Variants in MARCHF1 observed in about 807,000 individuals in gnomAD.
MARCHF1 encodes E3 ubiquitin-protein ligase MARCHF1.
In MARCHF1, 40 loss-of-function variants were observed where a neutral mutation model predicts 54.2. The ratio of observed to expected loss-of-function variants is 0.74; its 90% CI spans 0.57 to 0.96. The LOEUF is 0.96. Ranked by LOEUF, MARCHF1 falls within the 40% of genes least tolerant of loss-of-function variation. MARCHF1 has a pLI of 0.00. For synonymous variants in MARCHF1, 236 were observed against 236.3 expected, an observed-to-expected ratio of 1.00 and a Z score of 0.01; for missense variants, 586 against 656.5, an observed-to-expected ratio of 0.89 and a Z score of 1.17.
At chr4:164,364,462 G>A (rs1730821876) in intron 1 of MARCHF1, among the ~76,000 whole-genome samples, 1 of 151,972 alleles carries the variant, frequency 6.6e-6, no homozygotes, top group African/African-American at 2.4e-5. Context: ...TATCACAAAG[G>A]AAATTGTTTA....
intron 1 of MARCHF1, among the ~76,000 whole-genome samples, chr4:164,243,524 C>T (rs376546060): frequency 6.6e-6 from 1 of 151,982 alleles, no homozygotes; most frequent in Non-Finnish European, 1.5e-5. Context: ...TAAAGACCAT[C>T]GAGACTAGGA....
intron 4 of MARCHF1, among the ~76,000 whole-genome samples, chr4:163,721,950 A>C (rs1745482973): frequency 6.6e-6 from 1 of 152,024 alleles, no homozygotes; most frequent in Non-Finnish European, 1.5e-5. Flanking sequence ...CTAGTGGTCT[A>C]TCAATTTTGT....
At chr4:163,789,590 T>A (rs1048875899) in intron 4 of MARCHF1, among the ~76,000 whole-genome samples, 2 of 138,010 alleles carry the variant, frequency 1.4e-5, no homozygotes, top group African/African-American at 4.9e-5. Flanking sequence ...AAAAAGGAGC[T>A]GATTCTTGGC....
chr4:163,812,206 T>G (rs1389673490), intron 4 of MARCHF1, among the ~76,000 whole-genome samples: 1 of 151,894 alleles, frequency 6.6e-6, no homozygotes, highest in Non-Finnish European at 1.5e-5. Flanking sequence ...ATAATAGCAT[T>G]AACCAATATC....
intron 1 of MARCHF1, among the ~76,000 whole-genome samples, chr4:164,217,469 C>T (rs1731966208): frequency 6.6e-6 from 1 of 152,030 alleles, no homozygotes; most frequent in African/African-American, 2.4e-5. Context: ...GGAAATGTAC[C>T]TGTTAGTATT....
intron 5 of MARCHF1, among the ~76,000 whole-genome samples, chr4:163,659,947 T>C (rs773477092): frequency 1.3e-5 from 2 of 152,098 alleles, no homozygotes; most frequent in Admixed American, 6.6e-5. Context: ...GCTTTTACAC[T>C]GTTAGTGGGA....
At chr4:163,854,207 T>C in intron 3 of MARCHF1, 38 bp from the exon 4 acceptor site, 1 of 1,409,554 alleles carries the variant, frequency 7.1e-7, no homozygotes. Context: ...AGGTCACTTA[T>C]TTTAGCTGTG....
At chr4:163,883,258 TGAGAGAGAGAGA>T (rs55714281) in intron 3 of MARCHF1, among the ~76,000 whole-genome samples, 2 of 145,474 alleles carry the variant, frequency 1.4e-5, no homozygotes, top group Admixed American at 7.0e-5. Context: ...TATATATATA[TGAGAGAGAGAGA>T]GAGAGAGAGA....
chr4:163,710,553 ACT>A (rs1249011311), intron 4 of MARCHF1, among the ~76,000 whole-genome samples: 1 of 152,074 alleles, frequency 6.6e-6, no homozygotes, highest in African/African-American at 2.4e-5. Flanking sequence ...CTTATAAAAG[ACT>A]CTCTACTGAT....
chr4:164,080,648 T>TTGTG lies in MARCHF1; in HGVS notation c.-248+30936_-248+30939dup, dbSNP rs199734198. On this transcript the variant is annotated intron_variant, in intron 2 of 9. Transcript: ENST00000514618. ...TTCAAAGAAATCTAATAGTATTCTA[T>TTGTG]TGTGTGTGTGTGTGTGTGTGTGTAT... Among the ~76,000 whole-genome samples the TTGTG allele has an allele frequency of 2.7e-3, 401 of 150,096 alleles. 3 individuals carry two copies. Among genetic ancestry groups the TTGTG allele is most frequent in the African/African-American group, 5.0e-3 (204 of 40,636 alleles).
At chr4:164,099,517 A>G (rs1755490252) in intron 2 of MARCHF1, among the ~76,000 whole-genome samples, 1 of 152,194 alleles carries the variant, frequency 6.6e-6, no homozygotes, top group South Asian at 2.1e-4. Flanking sequence ...GTTGTCTCAG[A>G]TAAGTATTAC....
chr4:163,820,280 G>C (rs1267037444), intron 4 of MARCHF1, among the ~76,000 whole-genome samples: 1 of 151,946 alleles, frequency 6.6e-6, no homozygotes, highest in Non-Finnish European at 1.5e-5. Flanking sequence ...TTATCCTTTT[G>C]AAGTAATCTC....
intron 3 of MARCHF1, among the ~76,000 whole-genome samples, chr4:163,921,283 T>TG (rs79767444): frequency 0.23 from 34,548 of 152,050 alleles, 4,958 homozygotes; most frequent in African/African-American, 0.4. Context: ...AATTTGGAGT[T>TG]TTTAATCGTG....
At chr4:163,992,811 A>G (rs1392584783) in intron 2 of MARCHF1, among the ~76,000 whole-genome samples, 1 of 149,788 alleles carries the variant, frequency 6.7e-6, no homozygotes, top group African/African-American at 2.5e-5. Flanking sequence ...TTATAAAATT[A>G]TAAATGCATT....
chr4:163,748,613 T>C (rs1000883833), intron 4 of MARCHF1, among the ~76,000 whole-genome samples: 1 of 152,158 alleles, frequency 6.6e-6, no homozygotes, highest in Middle Eastern at 3.2e-3. Context: ...ACAGCATTTA[T>C]GTATGGAAAG....
intron 7 of MARCHF1, among the ~76,000 whole-genome samples, chr4:163,599,331 A>G (rs1406179574): frequency 6.7e-6 from 1 of 149,182 alleles, no homozygotes; most frequent in Non-Finnish European, 1.5e-5. Context: ...TTACTTTTTA[A>G]ACATTTAAAA....
intron 9 of MARCHF1, among the ~76,000 whole-genome samples, chr4:163,540,204 C>G (rs912612975): frequency 6.6e-6 from 1 of 152,088 alleles, no homozygotes; most frequent in Non-Finnish European, 1.5e-5. Context: ...CTGGAGACAC[C>G]TAGAGCATGT....
chr4:163,707,976 A>G (rs897237625), intron 4 of MARCHF1, among the ~76,000 whole-genome samples: 30 of 151,880 alleles, frequency 2.0e-4, no homozygotes, highest in Non-Finnish European at 2.2e-4. Context: ...GAGGGGGGCC[A>G]CAGGGAAACT....
At chr4:164,302,351 T>C (rs1213095695) in intron 1 of MARCHF1, among the ~76,000 whole-genome samples, 1 of 152,204 alleles carries the variant, frequency 6.6e-6, no homozygotes, top group Non-Finnish European at 1.5e-5. Flanking sequence ...GTAAAATTTA[T>C]AAGTGGTATA....
Sources: gnomAD v4.1 joint callset for allele counts (sites outside exome capture counted in the v4.1 genomes callset) on GRCh38, gnomAD v4.1.1 for gene constraint, MANE v1.5 for transcripts, NCBI Gene and HGNC (gene_info 2026-07-23, HGNC 2026-07-21) for gene names.